Variants in APBB1IP observed in about 807,000 individuals in gnomAD.
The protein encoded by APBB1IP is amyloid beta A4 precursor protein-binding family B member 1-interacting protein.
Under a neutral mutation model 64.9 loss-of-function variants are expected in APBB1IP, and 27 were observed. The ratio of observed to expected loss-of-function variants is 0.42; its 90% CI spans 0.31 to 0.57. The LOEUF is 0.57. Ranked by LOEUF, APBB1IP falls within the 20% of genes least tolerant of loss-of-function variation. The pLI, the probability that APBB1IP is intolerant of heterozygous loss-of-function variation, is 0.20. For missense variants in APBB1IP, 812 were observed against 845.5 expected (o/e 0.96, Z 0.49); for synonymous variants, 392 against 331.0 (o/e 1.18, Z -2.00).
At chr10:26,449,855 GA>G (rs1835445324) in intron 2 of APBB1IP, among the ~76,000 whole-genome samples, 1 of 151,950 alleles carries the variant, frequency 6.6e-6, no homozygotes, top group Non-Finnish European at 1.5e-5. Context: ...ACAAAAAAAT[GA>G]AAAAGCCAGA....
At chr10:26,514,375 G>C (rs1387817538) in intron 8 of APBB1IP, among the ~76,000 whole-genome samples, 1 of 152,076 alleles carries the variant, frequency 6.6e-6, no homozygotes, top group Non-Finnish European at 1.5e-5. Flanking sequence ...TATTTGCTAG[G>C]AAAACTAAAA....
At chr10:26,446,571 C>T (rs1835400459) in intron 2 of APBB1IP, among the ~76,000 whole-genome samples, 1 of 152,170 alleles carries the variant, frequency 6.6e-6, no homozygotes, top group South Asian at 2.1e-4. Flanking sequence ...ACAGATTGGG[C>T]TACAGTACTG....
chr10:26,517,700 A>G (rs1775230), intron 8 of APBB1IP, among the ~76,000 whole-genome samples: 127,019 of 152,300 alleles, frequency 0.83, 53,231 homozygotes, highest in East Asian at 0.91. Flanking sequence ...CATTCATGCT[A>G]TTGCCCATAG....
In APBB1IP at chr10:26,469,226, T is replaced by C. The variant is rs944712786; in HGVS notation, c.1-23101T>C. ...TATATCCTTATTCTATTTATCTATT[T>C]ATATAAGTGTTTTCTTTCCTTCTTT... On this transcript the variant is annotated intron_variant, in intron 2 of 14. Transcript: ENST00000376236. Among the ~76,000 whole-genome samples the C allele has an allele frequency of 1.5e-4, 22 of 151,564 alleles. 1 individual carries two copies. The highest frequency in any genetic ancestry group is 1.3e-3 in the Admixed American group (20 of 15,206).
chr10:26,490,972 T>C (rs938933964), intron 2 of APBB1IP, among the ~76,000 whole-genome samples: 8 of 152,168 alleles, frequency 5.3e-5, no homozygotes, highest in African/African-American at 1.4e-4. Context: ...TACAGTGTTT[T>C]AGAGCATTTT....
chr10:26,505,909 C>A (rs11015137), intron 6 of APBB1IP, among the ~76,000 whole-genome samples: 12,104 of 152,148 alleles, frequency 0.08, 757 homozygotes, highest in East Asian at 0.23. Context: ...CAGAATGAAT[C>A]CTCCCAGTGG....
At chr10:26,476,860 G>A (rs556762510) in intron 2 of APBB1IP, among the ~76,000 whole-genome samples, 190 of 152,184 alleles carry the variant, frequency 1.2e-3, no homozygotes, top group African/African-American at 4.5e-3. Flanking sequence ...GAGTACAATG[G>A]CGTGATCTCA....
chr10:26,444,592 A>G (rs1284221584), intron 2 of APBB1IP, among the ~76,000 whole-genome samples: 2 of 152,200 alleles, frequency 1.3e-5, no homozygotes, highest in Admixed American at 6.5e-5. Context: ...TGAAATTGTC[A>G]TCAACTAAAG....
chr10:26,469,112 T>G (rs1238908470), intron 2 of APBB1IP, among the ~76,000 whole-genome samples: 2 of 151,820 alleles, frequency 1.3e-5, no homozygotes, highest in Non-Finnish European at 2.9e-5. Context: ...TTTTTCACTT[T>G]AACACTTTTT....
chr10:26,445,779 T>C (rs1330822201), intron 2 of APBB1IP, among the ~76,000 whole-genome samples: 1 of 152,210 alleles, frequency 6.6e-6, no homozygotes, highest in Non-Finnish European at 1.5e-5. Flanking sequence ...ATTCAAGTGT[T>C]AGAGCAGGGC....
At chr10:26,450,603 A>T (rs1419180890) in intron 2 of APBB1IP, among the ~76,000 whole-genome samples, 2 of 150,844 alleles carry the variant, frequency 1.3e-5, no homozygotes, top group African/African-American at 4.9e-5. Flanking sequence ...TTGGACAATT[A>T]CTCTTTGTGG....
chr10:26,555,285 C>G (rs1187326827), intron 11 of APBB1IP, among the ~76,000 whole-genome samples: 2 of 152,134 alleles, frequency 1.3e-5, no homozygotes, highest in Non-Finnish European at 2.9e-5. Context: ...GGGATCATGT[C>G]TAGATTCTAG....
chr10:26,533,561 G>A (rs371466958), intron 9 of APBB1IP, 36 bp downstream of exon 9: 114 of 1,381,982 alleles, frequency 8.2e-5, no homozygotes, highest in Non-Finnish European at 1.0e-4. Context: ...GAAAAGAGAA[G>A]GACGTTTGCT....
chr10:26,477,646 A>C (rs1446801101), intron 2 of APBB1IP, among the ~76,000 whole-genome samples: 1 of 152,234 alleles, frequency 6.6e-6, no homozygotes, highest in African/African-American at 2.4e-5. Context: ...TTTCATGACC[A>C]AGGTAGGCAC....
chr10:26,463,724 T>C (rs1484377573), intron 2 of APBB1IP, among the ~76,000 whole-genome samples: 1 of 152,190 alleles, frequency 6.6e-6, no homozygotes, highest in Non-Finnish European at 1.5e-5. Context: ...AAATGGCCCA[T>C]AGCATTTTTA....
chr10:26,453,475 C>T (rs149324829), intron 2 of APBB1IP, among the ~76,000 whole-genome samples: 5 of 152,242 alleles, frequency 3.3e-5, no homozygotes, highest in Non-Finnish European at 5.9e-5. Context: ...TGCCAGGTCC[C>T]TGCTCCTCGA....
chr10:26,485,862 G>C (rs1316130257), intron 2 of APBB1IP, among the ~76,000 whole-genome samples: 1 of 152,138 alleles, frequency 6.6e-6, no homozygotes, highest in African/African-American at 2.4e-5. Context: ...GATATGCACA[G>C]AGGAGGATAT....
At chr10:26,474,442 C>A (rs537995543) in intron 2 of APBB1IP, among the ~76,000 whole-genome samples, 50 of 152,270 alleles carry the variant, frequency 3.3e-4, no homozygotes, top group African/African-American at 1.2e-3. Flanking sequence ...TTACTAATCG[C>A]CCAGGAAAAT....
intron 13 of APBB1IP, 32 bp from the exon 14 acceptor site, chr10:26,562,294 T>C (rs1193624971): frequency 6.7e-7 from 1 of 1,497,870 alleles, no homozygotes; most frequent in East Asian, 2.3e-5. Context: ...AATGCTTTGC[T>C]CACTCTTCTT....
Sources: gnomAD v4.1 joint callset for allele counts (sites outside exome capture counted in the v4.1 genomes callset) on GRCh38, gnomAD v4.1.1 for gene constraint, MANE v1.5 for transcripts, NCBI Gene and HGNC (gene_info 2026-07-23, HGNC 2026-07-21) for gene names.